The following SLC4A9 variants were observed in gnomAD, a reference collection of about 807,000 sequenced individuals.
The protein encoded by SLC4A9 is solute carrier family 4 member 9.
SLC4A9 carries 102 observed loss-of-function variants against 103.2 expected under a neutral mutation model. The observed-to-expected ratio is 0.99, with a 90% CI of 0.84 to 1.17. The LOEUF (loss-of-function observed/expected upper bound fraction) is 1.17, where lower values mean the gene tolerates loss of function less well. Among genes scored for constraint, SLC4A9 ranks in the 50% most tolerant of loss-of-function variants. The probability of loss-of-function intolerance (pLI) is 0.00; values close to 1 mark genes in which losing one functional copy is unlikely to be tolerated. For synonymous variants in SLC4A9, 453 were observed against 483.6 expected, an observed-to-expected ratio of 0.94 and a Z score of 0.83; for missense variants, 1,091 against 1,193.7, an observed-to-expected ratio of 0.91 and a Z score of 1.27.
intron 6 of SLC4A9, 37 bp downstream of exon 6, chr5:140,362,569 C>T (rs754833545): frequency 3.9e-5 from 62 of 1,583,654 alleles, no homozygotes; most frequent in Admixed American, 8.3e-5. Context: ...CGCGCGCACG[C>T]GTGCATGCCT....
rs1161075933 is a variant in SLC4A9 at position 140,362,456 on chromosome 5, T to C, written c.731T>C (p.Leu244Pro). ...EVSLPSRFFC[L>P]LLGPCMLGKG... ...GGTTCCTTCCTCAGGTTTTTCTGCCTTCTCCTGGGCCCCTGTATGCTGGGA... is the reference window on the plus strand; with the variant it reads ...GGTTCCTTCCTCAGGTTTTTCTGCCCTCTCCTGGGCCCCTGTATGCTGGGA... Residue 244 changes from leucine to proline, a missense_variant, in exon 6 of 22, where the codon CTT becomes CCT. By Grantham distance (98) the Leu-to-Pro change is moderately conservative. Transcript: ENST00000506757. 5 of 1,613,910 alleles carry C rather than the reference T, an allele frequency of 3.1e-6. No individual in the cohort carries two copies. The highest frequency in any genetic ancestry group is 1.3e-5 in the African/African-American group (1 of 74,930).
intron 16 of SLC4A9, among the ~76,000 whole-genome samples, chr5:140,368,212 A>C (rs1768183542): frequency 1.3e-5 from 2 of 152,258 alleles, no homozygotes; most frequent in African/African-American, 4.8e-5. Flanking sequence ...GGAATCCATC[A>C]TAAAAGCAAT....
intron 14 of SLC4A9, among the ~76,000 whole-genome samples, chr5:140,367,090 T>C (rs966154573): frequency 2.0e-5 from 3 of 152,066 alleles, no homozygotes; most frequent in African/African-American, 7.2e-5. Flanking sequence ...CCACCCGGGA[T>C]AGGGGGAGAG....
rs765142144 is a variant in SLC4A9, at chr5:140,360,730, C to T, written c.231-82C>T. On this transcript the variant is annotated intron_variant, in intron 1 of 21. Coordinates refer to ENST00000506757, the MANE Select transcript of SLC4A9 (RefSeq NM_031467.3). The stretch of plus-strand genomic sequence containing the variant: ...GGCCCAGGATGCCCTCATTGCCTTG[C>T]CTTCCCTAGCTCCTCTGCATCTCTG... 5 of 1,590,798 alleles carry T rather than the reference C, an allele frequency of 3.1e-6. No individual in the cohort carries two copies. In the African/African-American group the frequency reaches 6.7e-5, roughly 21 times the overall value.
rs186775600 is a variant in SLC4A9, at chr5:140,367,425, A to G, written c.2019A>G (p.Thr673=). ...CATGAAATGCCCTCCTCCAGCCCAC[A>G]CTCCCTGGGCGTGGCTGGCTGGTGT... ...KLMVPREFKP[T]LPGRGWLVSP... Residue 673 remains threonine, a synonymous_variant, in exon 15 of 22, where the codon ACA becomes ACG. Coordinates refer to ENST00000506757, the MANE Select transcript of SLC4A9 (RefSeq NM_031467.3). The G allele has an allele frequency of 2.5e-6, 4 of 1,611,684 alleles. No homozygotes were observed. Among genetic ancestry groups the G allele is most frequent in the Non-Finnish European group, 2.5e-6 (3 of 1,179,198 alleles).
rs759368573 is a variant in SLC4A9 at position 140,362,910 on chromosome 5, A to G, written c.808-2A>G. On this transcript the variant is annotated splice_acceptor_variant, in intron 6 of 21. Coordinates refer to ENST00000506757, the MANE Select transcript of SLC4A9 (RefSeq NM_031467.3). LOFTEE classifies it high-confidence loss of function. Reference sequence around the variant, plus strand: ...CCACCCATTCTGTGCCCCCATTCCCAGCAATTCCAGTGGTCAGTTCGTCGG... The same window carrying G: ...CCACCCATTCTGTGCCCCCATTCCCGGCAATTCCAGTGGTCAGTTCGTCGG... 4 of 1,613,820 alleles carry G rather than the reference A, an allele frequency of 2.5e-6. No individual in the cohort carries two copies. The highest frequency in any genetic ancestry group is 3.4e-6 in the Non-Finnish European group (4 of 1,179,882).
At chr5:140,360,505 C>A (rs1486845977) in intron 1 of SLC4A9, 39 bp downstream of exon 1, 2 of 1,522,286 alleles carry the variant, frequency 1.3e-6, no homozygotes, top group South Asian at 2.4e-5. Flanking sequence ...GATCCTTCCC[C>A]TTCCCCAGCT....
Position 140,363,967 on chromosome 5 carries a change from C to A in SLC4A9, c.1254+65C>A. On this transcript the variant is annotated intron_variant, in intron 9 of 21. Transcript: ENST00000506757. The surrounding 1 kb of genome is among the most constrained non-coding windows in gnomAD (Gnocchi z 4.5). ...CCCTAGTCCATCCCTTCCCCTGGGA[C>A]TATGGGTAAGTTAAGGAGGCTCTCC... The A allele has an allele frequency of 6.3e-7, 1 of 1,577,474 alleles. No individual in the cohort carries two copies. Among genetic ancestry groups the A allele is most frequent in the East Asian group, 2.3e-5 (1 of 44,402 alleles).
At chr5:140,362,275 G>T (rs1014690400) in intron 5 of SLC4A9, 101 bp downstream of exon 5, 31 of 1,349,132 alleles carry the variant, frequency 2.3e-5, no homozygotes, top group Non-Finnish European at 2.9e-5. Flanking sequence ...TGAGGCTGTG[G>T]GGAGGATGGT....
At position 140,360,863 on chromosome 5, in the gene SLC4A9, C is replaced by A; in HGVS notation, c.282C>A (p.Ala94=). The A allele has an allele frequency of 6.2e-7, 1 of 1,612,740 alleles. No individual in the cohort carries two copies. The highest frequency in any genetic ancestry group is 1.1e-5 in the South Asian group (1 of 90,916). ...AGGTGGCTGCAGGCCGGTGGAGTGCCCCCCACGTGCCCACCCTGGCACTGC... is the reference window on the plus strand; with the variant it reads ...AGGTGGCTGCAGGCCGGTGGAGTGCACCCCACGTGCCCACCCTGGCACTGC... ...KLEVAAGRWS[A]PHVPTLALPS... is the part of the protein sequence containing the mutation. Residue 94 remains alanine (A), a synonymous_variant, in exon 2 of 22, where the codon GCC becomes GCA. Coordinates refer to ENST00000506757, the MANE Select transcript of SLC4A9 (RefSeq NM_031467.3).
rs142452592 is a variant in SLC4A9 at position 140,361,684 on chromosome 5, C to T, written c.506-124C>T. 1,383 of 1,062,624 alleles carry T rather than the reference C, an allele frequency of 1.3e-3. 12 individuals are homozygous for T. The highest frequency in any genetic ancestry group is 0.013 in the African/African-American group (823 of 63,522). 65.8% of individuals were successfully genotyped at this position (1,062,624 alleles called of 1,614,324 possible). A position where few individuals can be genotyped will look rare whatever the true frequency, so the allele number is the denominator to read the frequency against. On this transcript the variant is annotated intron_variant, in intron 3 of 21. Coordinates refer to ENST00000506757, the MANE Select transcript of SLC4A9 (RefSeq NM_031467.3). ...CATTTTAGTGGTGAGAAAACTGTGGCTCAGAGTGGAGAAGGGTATACTCTA... is the reference window on the plus strand; with the variant it reads ...CATTTTAGTGGTGAGAAAACTGTGGTTCAGAGTGGAGAAGGGTATACTCTA...
At chr5:140,370,937 G>C in intron 17 of SLC4A9, 158 bp from the exon 18 acceptor site, 1 of 591,184 alleles carries the variant, frequency 1.7e-6, no homozygotes, top group South Asian at 2.3e-5. Flanking sequence ...TTGATTTGAG[G>C]ATTCAATAAG....
At position 140,372,352 on chromosome 5, in the gene SLC4A9, G is replaced by A; in HGVS notation, c.2781G>A (p.Lys927=). 2 of 1,609,888 alleles carry A rather than the reference G, an allele frequency of 1.2e-6. No individual in the cohort carries two copies. The highest frequency in any genetic ancestry group is 1.7e-6 in the Non-Finnish European group (2 of 1,178,848). Residue 927 remains lysine, a synonymous_variant, in exon 20 of 22, where the codon AAG becomes AAA. Coordinates refer to ENST00000506757, the MANE Select transcript of SLC4A9 (RefSeq NM_031467.3). ...AGGAGGAGAGAAGCATCCCTGAGAA[G>A]GGGCTGGAGCCAGAACACTCATTCA... The part of the protein sequence containing the change: ...MPEEERSIPE[K]GLEPEHSFSG...
Position 140,361,385 on chromosome 5 carries a change from G to A in SLC4A9, c.505+18G>A, listed in dbSNP as rs550883387. 3 of 1,544,388 alleles carry A rather than the reference G, an allele frequency of 1.9e-6. No individual in the cohort carries two copies. The highest frequency in any genetic ancestry group is 2.7e-5 in the African/African-American group (2 of 73,002). On this transcript the variant is annotated intron_variant, in intron 3 of 21. Transcript: ENST00000506757. ...CTGCTGGGGTGAGAGCCCCTCCCTGGGCCCAGGACCAAGACCCTGGTGTGG... is the reference window on the plus strand; with the variant it reads ...CTGCTGGGGTGAGAGCCCCTCCCTGAGCCCAGGACCAAGACCCTGGTGTGG...
At position 140,364,396 on chromosome 5, in the gene SLC4A9, A is replaced by G; in HGVS notation, c.1422A>G (p.Leu474=). The change falls in exon 11 of 22, where the codon CTA becomes CTG. Residue 474 remains leucine, a synonymous_variant. Coordinates refer to ENST00000506757, the MANE Select transcript of SLC4A9 (RefSeq NM_031467.3). ...GCCTGGACTACCTGCCCTTCCGCCT[A>G]TGGGTGGGCATCTGGGTGGCTACCT... ...DYSLDYLPFR[L]WVGIWVATFC... 4 of 1,613,334 alleles carry G rather than the reference A, an allele frequency of 2.5e-6. No individual in the cohort carries two copies. The highest frequency in any genetic ancestry group is 3.4e-6 in the Non-Finnish European group (4 of 1,179,822).
intron 13 of SLC4A9, 41 bp from the exon 14 acceptor site, chr5:140,366,110 A>G: frequency 6.2e-7 from 1 of 1,608,304 alleles, no homozygotes; most frequent in Non-Finnish European, 8.5e-7. Flanking sequence ...AAAAAGAGAG[A>G]TGGCAGGCCT....
At chr5:140,360,690 G>A in intron 1 of SLC4A9, 122 bp from the exon 2 acceptor site, 3 of 1,481,086 alleles carry the variant, frequency 2.0e-6, no homozygotes, top group Non-Finnish European at 2.8e-6. Context: ...GTGGGGGGGA[G>A]ACTTCACACC....
At chr5:140,373,574 T>C (rs573802350) in intron 21 of SLC4A9, among the ~76,000 whole-genome samples, 1 of 152,074 alleles carries the variant, frequency 6.6e-6, no homozygotes, top group Non-Finnish European at 1.5e-5. Flanking sequence ...GTGTTCCATT[T>C]CTAAGAGGAA....
chr5:140,363,195 C>A lies in SLC4A9; in HGVS notation c.962+129C>A. 3.2e-6 allele frequency: 4 copies of A among 1,252,326 alleles called. No individual in the cohort carries two copies. Among genetic ancestry groups the A allele is most frequent in the Non-Finnish European group, 4.4e-6 (4 of 902,190 alleles). 77.6% of individuals were successfully genotyped at this position (1,252,326 alleles called of 1,614,324 possible). Reference sequence around the variant, plus strand: ...ATCTTTGGATTTGGAGTCAGGCAGACCTAACTCTGAGTTCTGCTGGACTAC... The same window carrying A: ...ATCTTTGGATTTGGAGTCAGGCAGAACTAACTCTGAGTTCTGCTGGACTAC... On this transcript the variant is annotated intron_variant, in intron 7 of 21. Transcript: ENST00000506757. This position sits in a 1 kb window ranked among gnomAD's most constrained non-coding sequence, Gnocchi z 4.5.
Sources: allele counts gnomAD v4.1 joint callset (sites outside exome capture counted in the v4.1 genomes callset), GRCh38; gene constraint gnomAD v4.1.1; non-coding constraint Gnocchi (gnomAD v3.1); transcripts MANE v1.5; gene names NCBI Gene and HGNC (gene_info 2026-07-23, HGNC 2026-07-21).